CADM1: variants seen among roughly 807,000 people sequenced by gnomAD.
CADM1 encodes cell adhesion molecule 1, also known as TSLC-1.
A neutral mutation model predicts 53.1 loss-of-function variants in CADM1; 15 were observed. The ratio of observed to expected loss-of-function variants is 0.28; its 90% CI spans 0.19 to 0.44. CADM1 has a LOEUF of 0.44. Among genes scored for constraint, CADM1 ranks in the 20% least tolerant of loss-of-function variants. CADM1 has a pLI of 1.00. For missense variants in CADM1, 434 were observed against 611.3 expected, an observed-to-expected ratio of 0.71 and a Z score of 3.06; for synonymous variants, 281 against 243.0, an observed-to-expected ratio of 1.16 and a Z score of -1.45.
chr11:115,415,496 A>G (rs1220484399), intron 1 of CADM1, among the ~76,000 whole-genome samples: 2 of 152,176 alleles, frequency 1.3e-5, no homozygotes, highest in Admixed American at 6.5e-5. Flanking sequence ...CAAATAAGGA[A>G]TATGACAGAA....
chr11:115,391,286 C>T (rs1403749999), intron 1 of CADM1, among the ~76,000 whole-genome samples: 3 of 152,324 alleles, frequency 2.0e-5, no homozygotes, highest in South Asian at 2.1e-4. Context: ...AACACACTCT[C>T]AGGGCTGTCT....
At chr11:115,328,146 T>TA (rs1945009053) in intron 1 of CADM1, among the ~76,000 whole-genome samples, 1 of 152,126 alleles carries the variant, frequency 6.6e-6, no homozygotes, top group Non-Finnish European at 1.5e-5. Flanking sequence ...ATTTTTTTTT[T>TA]ATATCAGATT....
At chr11:115,224,210 C>G (rs954945680) in intron 5 of CADM1, among the ~76,000 whole-genome samples, 4 of 151,964 alleles carry the variant, frequency 2.6e-5, no homozygotes, top group Non-Finnish European at 2.9e-5. Flanking sequence ...ACCAGAGAAA[C>G]ATTTATTTTG....
intron 1 of CADM1, among the ~76,000 whole-genome samples, chr11:115,317,854 A>G (rs1369572518): frequency 2.0e-5 from 3 of 152,234 alleles, no homozygotes; most frequent in Non-Finnish European, 4.4e-5. Context: ...TAAGTAGGAC[A>G]TTGCCTATGA....
chr11:115,222,973 G>C (rs1488324766), intron 5 of CADM1, among the ~76,000 whole-genome samples: 3 of 151,870 alleles, frequency 2.0e-5, no homozygotes, highest in Non-Finnish European at 4.4e-5. Flanking sequence ...TTTTTGTTTT[G>C]TTTTGTTCTG....
intron 1 of CADM1, among the ~76,000 whole-genome samples, chr11:115,476,839 CTG>C (rs766916846): frequency 6.6e-6 from 1 of 152,168 alleles, no homozygotes; most frequent in Non-Finnish European, 1.5e-5. Flanking sequence ...CACATAATAA[CTG>C]AGAGTTAACA....
At chr11:115,377,204 A>G (rs1164674175) in intron 1 of CADM1, 1 of 152,142 alleles carries the variant, frequency 6.6e-6, no homozygotes, top group Non-Finnish European at 1.5e-5. Flanking sequence ...AAGCTGACCT[A>G]CAGAACTTTG....
chr11:115,370,737 A>G (rs1429335395), intron 1 of CADM1, among the ~76,000 whole-genome samples: 1 of 152,142 alleles, frequency 6.6e-6, no homozygotes, highest in Non-Finnish European at 1.5e-5. Flanking sequence ...CAGCTACACT[A>G]TCTGTACAGA....
chr11:115,453,567 C>T lies in CADM1; in HGVS notation c.124+50704G>A, dbSNP rs896558474. Reference sequence around the variant, plus strand: ...AGGCTGGAGTGCAGTGACAGGATCTCGGCTCACTAAAACCTCCACCTCCCA... The same window carrying T: ...AGGCTGGAGTGCAGTGACAGGATCTTGGCTCACTAAAACCTCCACCTCCCA... On this transcript the variant is annotated intron_variant, in intron 1 of 11. Transcript: ENST00000331581. 7.2e-5 allele frequency among the ~76,000 whole-genome samples: 11 copies of T among 152,028 alleles called. No individual in the cohort carries two copies. The East Asian group carries it at 9.7e-4, about 13-fold the overall frequency.
intron 1 of CADM1, among the ~76,000 whole-genome samples, chr11:115,258,781 C>T (rs1443171900): frequency 6.6e-6 from 1 of 152,186 alleles, no homozygotes; most frequent in Non-Finnish European, 1.5e-5. Context: ...GGAGATGTAG[C>T]AGTTCACATA....
intron 5 of CADM1, among the ~76,000 whole-genome samples, chr11:115,225,619 C>T (rs1265194272): frequency 6.6e-6 from 1 of 152,168 alleles, no homozygotes; most frequent in Non-Finnish European, 1.5e-5. Context: ...CTTAAATCCA[C>T]AAGACAAAAG....
intron 1 of CADM1, among the ~76,000 whole-genome samples, chr11:115,499,581 A>G (rs1398843328): frequency 1.3e-5 from 2 of 152,262 alleles, no homozygotes; most frequent in African/African-American, 4.8e-5. Context: ...CATGATCCAT[A>G]TCTCTGACCA....
rs1940856041 is a variant in CADM1, at chr11:115,209,605, G to GGTGGTT, written c.1046_1047insAACCAC (p.Thr352_Thr353dup). Reference sequence around the variant, plus strand: ...TGATGGTAAGGATGGTGGTGGTGGTGGTGGTGGTGGTGGTGGTGGTTGTTG... The same window carrying GGTGGTT: ...TGATGGTAAGGATGGTGGTGGTGGTGGTGGTTGTGGTGGTGGTGGTGGTGGTTGTTG... On this transcript the variant is annotated inframe_insertion, in exon 8 of 12. Coordinates refer to ENST00000331581, the MANE Select transcript of CADM1 (RefSeq NM_001301043.2). 4.3e-6 allele frequency: 7 copies of GGTGGTT among 1,612,180 alleles called. No individual in the cohort carries two copies. The African/African-American group carries it at 5.3e-5, about 12-fold the overall frequency.
At chr11:115,453,475 G>C (rs949662956) in intron 1 of CADM1, among the ~76,000 whole-genome samples, 2 of 151,920 alleles carry the variant, frequency 1.3e-5, no homozygotes, top group African/African-American at 4.8e-5. Flanking sequence ...GTGGCTATGA[G>C]TTAGGCCAAA....
intron 1 of CADM1, among the ~76,000 whole-genome samples, chr11:115,267,534 T>C (rs1028394974): frequency 3.9e-5 from 6 of 152,118 alleles, no homozygotes; most frequent in Admixed American, 3.3e-4. Context: ...GGGAGATAAA[T>C]CAAACAACCA....
intron 1 of CADM1, among the ~76,000 whole-genome samples, chr11:115,312,628 T>C (rs955690444): frequency 6.6e-6 from 1 of 152,072 alleles, no homozygotes. Flanking sequence ...TAGAACACAC[T>C]TGATTGATTT....
At chr11:115,445,379 G>T (rs1179083510) in intron 1 of CADM1, among the ~76,000 whole-genome samples, 1 of 152,086 alleles carries the variant, frequency 6.6e-6, no homozygotes, top group Non-Finnish European at 1.5e-5. Flanking sequence ...ATAGACAATA[G>T]AGGTAATGAG....
In CADM1 at chr11:115,233,154, G is replaced by A. The variant is rs1169917358; in HGVS notation, c.425-1664C>T. On this transcript the variant is annotated intron_variant, in intron 3 of 11. Coordinates refer to ENST00000331581, the MANE Select transcript of CADM1 (RefSeq NM_001301043.2). ...TAGTGTTTGGTGGTGGTGGTGGCGGGGGGTGTAATGAGCAGAGCCAAAGGA... is the reference window on the plus strand; with the variant it reads ...TAGTGTTTGGTGGTGGTGGTGGCGGAGGGTGTAATGAGCAGAGCCAAAGGA... 5.9e-5 allele frequency among the ~76,000 whole-genome samples: 9 copies of A among 152,232 alleles called. No homozygotes were observed. In the East Asian group the frequency reaches 1.5e-3, roughly 26 times the overall value.
intron 1 of CADM1, among the ~76,000 whole-genome samples, chr11:115,281,333 C>T (rs1427594279): frequency 6.6e-6 from 1 of 152,146 alleles, no homozygotes; most frequent in African/African-American, 2.4e-5. Context: ...AGTATTAATT[C>T]AGCCAAAAGA....
Sources: allele counts gnomAD v4.1 joint callset (sites outside exome capture counted in the v4.1 genomes callset), GRCh38; gene constraint gnomAD v4.1.1; transcripts MANE v1.5; gene names NCBI Gene and HGNC (gene_info 2026-07-23, HGNC 2026-07-21).